Variants in GSE1 observed in about 807,000 individuals in gnomAD.
GSE1 encodes genetic suppressor element 1.
Under a neutral mutation model 112.6 loss-of-function variants are expected in GSE1, and 32 were observed. That is an observed-to-expected ratio of 0.28 (90% CI 0.21 to 0.38). The LOEUF (loss-of-function observed/expected upper bound fraction) is 0.38, where lower values mean the gene tolerates loss of function less well. Among genes scored for constraint, GSE1 ranks in the 10% least tolerant of loss-of-function variants. The probability of loss-of-function intolerance (pLI) is 1.00; values close to 1 mark genes in which losing one functional copy is unlikely to be tolerated. For missense variants in GSE1, 2,348 were observed against 1,699.2 expected, an observed-to-expected ratio of 1.38 and a Z score of -6.71; for synonymous variants, 1,115 against 735.6, an observed-to-expected ratio of 1.52 and a Z score of -8.35.
rs8571 is a variant in GSE1 at position 85,676,004 on chromosome 16, G to C, written c.*3465G>C. On this transcript the variant is annotated 3_prime_UTR_variant, in exon 16 of 16. Coordinates refer to ENST00000253458, the MANE Select transcript of GSE1 (RefSeq NM_014615.5). Reference sequence around the variant, plus strand: ...AATTCTATAACAGTAAACCCCATACGCAGGTGGGAGGGAGGAACACCGGTG... The same window carrying C: ...AATTCTATAACAGTAAACCCCATACCCAGGTGGGAGGGAGGAACACCGGTG... 1.3e-5 allele frequency: 2 copies of C among 152,420 alleles called. No individual in the cohort carries two copies. Among genetic ancestry groups the C allele is most frequent in the African/African-American group, 2.4e-5 (1 of 41,350 alleles). 9.4% of individuals were successfully genotyped at this position (152,420 alleles called of 1,614,324 possible).
At position 85,634,037 on chromosome 16, in the gene GSE1, C is replaced by A. The variant is rs762841856; in HGVS notation, c.131C>A (p.Pro44His). The A allele has an allele frequency of 1.9e-6, 3 of 1,610,684 alleles. No homozygotes were observed. The highest frequency in any genetic ancestry group is 2.5e-6 in the Non-Finnish European group (3 of 1,178,636). Residue 44 changes from proline to histidine, a missense_variant, in exon 2 of 16, where the codon CCC becomes CAC. Physicochemically the swap from Pro to His is moderately conservative, Grantham distance 77. Coordinates refer to ENST00000253458, the MANE Select transcript of GSE1 (RefSeq NM_014615.5). ...LNGALVPSGS[P>H]ATSSALSAQA... is the part of the protein sequence containing the mutation. Reference sequence around the variant, plus strand: ...GGCGCCCTGGTGCCCAGCGGCAGCCCCGCCACCAGCAGCGCGCTGTCGGCC... The same window carrying A: ...GGCGCCCTGGTGCCCAGCGGCAGCCACGCCACCAGCAGCGCGCTGTCGGCC...
chr16:85,654,030 G>T (rs1026300425), intron 3 of GSE1, among the ~76,000 whole-genome samples: 7 of 152,124 alleles, frequency 4.6e-5, no homozygotes, highest in African/African-American at 1.7e-4. Context: ...GGACTGAGGA[G>T]GCCCAGGGAG....
At chr16:85,248,969 C>T (rs1181259874) in intron 1 of GSE1, among the ~76,000 whole-genome samples, 12 of 152,134 alleles carry the variant, frequency 7.9e-5, no homozygotes. Flanking sequence ...CTAGAGTCCC[C>T]CAAGAGTGAG....
At chr16:85,575,340 G>C (rs1361927606) in intron 1 of GSE1, among the ~76,000 whole-genome samples, 1 of 152,294 alleles carries the variant, frequency 6.6e-6, no homozygotes, top group East Asian at 1.9e-4. Context: ...GAATCTAGGA[G>C]ATCTGCTATC....
chr16:85,327,611 AAAACAAAACAT>A (rs1214393931), intron 1 of GSE1, among the ~76,000 whole-genome samples: 1 of 152,210 alleles, frequency 6.6e-6, no homozygotes, highest in East Asian at 1.9e-4. Flanking sequence ...TCAGAAAAAC[AAAACAAAACAT>A]AAACAAAACT....
chr16:85,444,907 C>T (rs1167129149), intron 2 of GSE1, among the ~76,000 whole-genome samples: 2 of 152,210 alleles, frequency 1.3e-5, no homozygotes, highest in South Asian at 2.1e-4. Flanking sequence ...CCCCTTCCCG[C>T]GGCGCTGGCT....
intron 1 of GSE1, among the ~76,000 whole-genome samples, chr16:85,305,816 A>G (rs982921578): frequency 2.0e-5 from 3 of 152,008 alleles, no homozygotes; most frequent in Non-Finnish European, 2.9e-5. Context: ...TGGACCGCAC[A>G]TGGTGTCTCA....
At chr16:85,519,456 C>T (rs111164378) in intron 2 of GSE1, among the ~76,000 whole-genome samples, 1 of 10,566 alleles carries the variant, frequency 9.5e-5, no homozygotes. Flanking sequence ...TCATCATCAC[C>T]TTCACCACCA....
chr16:85,664,810 C>T (rs1243421040), intron 11 of GSE1: 3 of 571,554 alleles, frequency 5.2e-6, no homozygotes, highest in Non-Finnish European at 9.4e-6. Flanking sequence ...ACGTCTAGGA[C>T]ATTGTGTAGT....
rs1431106320 is a variant in GSE1, at chr16:85,419,068, C to G, written c.2464+61425C>G. Among the ~76,000 whole-genome samples the G allele has an allele frequency of 6.6e-6, 1 of 152,146 alleles. No individual in the cohort carries two copies. The highest frequency in any genetic ancestry group is 2.4e-5 in the African/African-American group (1 of 41,414). ...GGCAGTTGGATATTTGAGTCTGGAGCTATGAATGTGGGCGTCCCAGCGCAC... is the reference window on the plus strand; with the variant it reads ...GGCAGTTGGATATTTGAGTCTGGAGGTATGAATGTGGGCGTCCCAGCGCAC... On this transcript the variant is annotated intron_variant, in intron 2 of 2. Coordinates refer to the GSE1 transcript ENST00000637419. This position sits in a 1 kb window ranked among gnomAD's most constrained non-coding sequence, Gnocchi z 6.5.
chr16:85,634,364 C>T (rs763666355), intron 2 of GSE1, among the ~76,000 whole-genome samples: 1 of 152,248 alleles, frequency 6.6e-6, no homozygotes, highest in Admixed American at 6.5e-5. Flanking sequence ...CCTTCCTCGG[C>T]CCCCGGAGCC....
intron 1 of GSE1, among the ~76,000 whole-genome samples, chr16:85,195,570 T>C (rs183124041): frequency 3.3e-5 from 5 of 152,344 alleles, no homozygotes; most frequent in Middle Eastern, 3.4e-3. Flanking sequence ...AAATCCGCCT[T>C]CTTCTGCCCT....
intron 1 of GSE1, among the ~76,000 whole-genome samples, chr16:85,283,745 A>G (rs2044928977): frequency 6.6e-6 from 1 of 152,196 alleles, no homozygotes; most frequent in African/African-American, 2.4e-5. Flanking sequence ...AGTGCTTCAT[A>G]AGTGTATTAG....
intron 2 of GSE1, among the ~76,000 whole-genome samples, chr16:85,366,138 G>A (rs1420034290): frequency 1.3e-5 from 2 of 152,278 alleles, no homozygotes; most frequent in African/African-American, 4.8e-5. Flanking sequence ...ACTGCGCTCG[G>A]GTACTGGGCT....
At position 85,556,359 on chromosome 16, in the gene GSE1, AC is replaced by A; in HGVS notation, c.35del (p.Pro12GlnfsTer5). On this transcript the variant is annotated frameshift_variant, in exon 1 of 3. Coordinates refer to the GSE1 transcript ENST00000635906. LOFTEE classifies it high-confidence loss of function. ...GATTGAAGCCGCCTCTGTATTACTTACCAGGTAAGCGAGCCGTGCGCCTCCC... is the reference window on the plus strand; with the variant it reads ...GATTGAAGCCGCCTCTGTATTACTTACAGGTAAGCGAGCCGTGCGCCTCCC... 1.0e-6 allele frequency: 1 copy of A among 984,480 alleles called. No homozygotes were observed. Among genetic ancestry groups the A allele is most frequent in the Non-Finnish European group, 1.2e-6 (1 of 829,520 alleles). 61.0% of individuals were successfully genotyped at this position (984,480 alleles called of 1,614,324 possible).
At position 85,440,192 on chromosome 16, in the gene GSE1, C is replaced by T. The variant is rs539365407; in HGVS notation, c.2464+82549C>T. Among the ~76,000 whole-genome samples the T allele has an allele frequency of 3.3e-5, 5 of 152,360 alleles. No homozygotes were observed. In the South Asian group the frequency reaches 1.0e-3, roughly 32 times the overall value. On this transcript the variant is annotated intron_variant, in intron 2 of 2. Coordinates refer to the GSE1 transcript ENST00000637419. ...CTCGAACCGTGTCTTGACTCAGCAACACCGGGACCAGTGGGGTCTGGAGGT... is the reference window on the plus strand; with the variant it reads ...CTCGAACCGTGTCTTGACTCAGCAATACCGGGACCAGTGGGGTCTGGAGGT...
chr16:85,572,204 C>A (rs897090904), intron 1 of GSE1, among the ~76,000 whole-genome samples: 1 of 149,318 alleles, frequency 6.7e-6, no homozygotes, highest in Non-Finnish European at 1.5e-5. Context: ...ACACAACACA[C>A]ACAGCACGCA....
rs191658452 is a variant in GSE1, at chr16:85,522,326, A to G, written c.2465-111588A>G. Among the ~76,000 whole-genome samples the G allele has an allele frequency of 1.9e-4, 29 of 152,028 alleles. 1 individual carries two copies. In the East Asian group the frequency reaches 5.2e-3, roughly 27 times the overall value. The stretch of plus-strand genomic sequence containing the variant: ...GTCAGGACTGGGTCAGGTATAAAAG[A>G]TGTCCACAGCCCAGGGCCCACCCCA... On this transcript the variant is annotated intron_variant, in intron 2 of 2. Transcript: ENST00000637419.
At chr16:85,220,394 A>T (rs2075370836) in intron 1 of GSE1, among the ~76,000 whole-genome samples, 1 of 152,214 alleles carries the variant, frequency 6.6e-6, no homozygotes, top group Non-Finnish European at 1.5e-5. Flanking sequence ...GCGGCGGCGC[A>T]GATGGAAACT....
Sources: gnomAD v4.1 joint callset for allele counts (sites outside exome capture counted in the v4.1 genomes callset) on GRCh38, gnomAD v4.1.1 for gene constraint, Gnocchi (gnomAD v3.1) non-coding constraint, MANE v1.5 for transcripts, NCBI Gene and HGNC (gene_info 2026-07-23, HGNC 2026-07-21) for gene names.